The following PMM1 variants were observed in gnomAD, a reference collection of about 807,000 sequenced individuals.
PMM1 encodes the protein phosphomannomutase 1, also known as brain glucose-1,6-bisphosphatase.
Under a neutral mutation model 34.0 loss-of-function variants are expected in PMM1, and 25 were observed. That is an observed-to-expected ratio of 0.73 (90% CI 0.54 to 1.03). PMM1 has a LOEUF of 1.03. Ranked by LOEUF, PMM1 falls within the 50% of genes least tolerant of loss-of-function variation. The probability of loss-of-function intolerance (pLI) is 0.00; values close to 1 mark genes in which losing one functional copy is unlikely to be tolerated. For synonymous variants in PMM1, 134 were observed against 143.9 expected (o/e 0.93, Z 0.49); for missense variants, 321 against 350.1 (o/e 0.92, Z 0.66).
chr22:41,577,754 C>G, intron 7 of PMM1, 54 bp downstream of exon 7: 3 of 1,360,930 alleles, frequency 2.2e-6, no homozygotes, highest in South Asian at 2.4e-5. Context: ...GCCACCAGAC[C>G]TGGCTTCTCA....
chr22:41,581,879 G>T (rs535654349), intron 5 of PMM1, among the ~76,000 whole-genome samples: 93 of 152,180 alleles, frequency 6.1e-4, no homozygotes, highest in Non-Finnish European at 9.7e-4. Flanking sequence ...AGCTACTTGG[G>T]AAGGCTGAGG....
At chr22:41,579,207 C>A (rs901932702) in intron 5 of PMM1, 1 of 324,498 alleles carries the variant, frequency 3.1e-6, no homozygotes. Context: ...GTGTCCACCT[C>A]AGGGCAGGGC....
intron 1 of PMM1, 165 bp downstream of exon 1, chr22:41,589,554 C>T: frequency 1.6e-6 from 1 of 624,742 alleles, no homozygotes; most frequent in Non-Finnish European, 2.8e-6. Flanking sequence ...GGGCCAGGTC[C>T]CCTCACTCCC....
In PMM1 at chr22:41,577,638, G is replaced by T. The variant is rs946425784; in HGVS notation, c.666+170C>A. 1.7e-5 allele frequency: 13 copies of T among 761,246 alleles called. 1 individual carries two copies. The highest frequency in any genetic ancestry group is 3.7e-4 in the Middle Eastern group (1 of 2,698). 47.2% of individuals were successfully genotyped at this position (761,246 alleles called of 1,614,324 possible). ...TCTTGGGGCCCCAGCTTTCCAATCT[G>T]TGTAACGGGGCTGGTGAGCAATGGT... On this transcript the variant is annotated intron_variant, in intron 7 of 7. Transcript: ENST00000216259.
chr22:41,586,842 G>C (rs1020103434), intron 1 of PMM1, among the ~76,000 whole-genome samples: 2 of 148,268 alleles, frequency 1.3e-5, no homozygotes, highest in African/African-American at 4.9e-5. Flanking sequence ...GCATGGGCTG[G>C]CACGGTGGTT....
rs377279354 is a variant in PMM1, at chr22:41,577,354, C to T, written c.753G>A (p.Arg251=). The T allele has an allele frequency of 1.2e-6, 2 of 1,612,890 alleles. No homozygotes were observed. Among genetic ancestry groups the T allele is most frequent in the African/African-American group, 2.7e-5 (2 of 74,924 alleles). ...VSPQDTVQRC[R]EIFFPETAHE... is the part of the protein sequence containing the mutation. ...GAGCTGTCTCTGGGAAGAAAATCTC[C>T]CGGCATCGCTGCACCGTGTCCTGAG... The change falls in exon 8 of 8, where the codon CGG becomes CGA. Residue 251 remains arginine, a synonymous_variant. Coordinates refer to ENST00000216259, the MANE Select transcript of PMM1 (RefSeq NM_002676.3).
chr22:41,582,867 A>T (rs1175986260), intron 5 of PMM1, among the ~76,000 whole-genome samples: 1 of 152,164 alleles, frequency 6.6e-6, no homozygotes, highest in Non-Finnish European at 1.5e-5. Context: ...TGGACGGGCC[A>T]GCATGGAAAG....
Position 41,584,037 on chromosome 22 carries a change from C to G in PMM1, c.396G>C (p.Arg132=). The G allele has an allele frequency of 6.2e-7, 1 of 1,613,868 alleles. No individual in the cohort carries two copies. The highest frequency in any genetic ancestry group is 1.1e-5 in the South Asian group (1 of 91,078). The change falls in exon 5 of 8, where the codon CGG becomes CGC. Residue 132 remains arginine (R), a synonymous_variant. Coordinates refer to ENST00000216259, the MANE Select transcript of PMM1 (RefSeq NM_002676.3). ...PKKRGTFIEF[R]NGMLNISPIG... ...TGGGCGAGATGTTCAGCATGCCATT[C>G]CGGAACTCGATGAAGGTTCCACTGG...
At chr22:41,578,039 G>A in intron 6 of PMM1, 116 bp from the exon 7 acceptor site, 2 of 719,218 alleles carry the variant, frequency 2.8e-6, no homozygotes, top group South Asian at 3.3e-5. Context: ...TGAGGGCCAG[G>A]AATAGGACAC....
At chr22:41,583,476 C>T (rs1452184497) in intron 5 of PMM1, among the ~76,000 whole-genome samples, 1 of 151,918 alleles carries the variant, frequency 6.6e-6, no homozygotes, top group Non-Finnish European at 1.5e-5. Flanking sequence ...TTTTTGGAGA[C>T]TCTATCTCCA....
At chr22:41,587,415 G>A (rs1308764499) in intron 1 of PMM1, among the ~76,000 whole-genome samples, 1 of 148,954 alleles carries the variant, frequency 6.7e-6, no homozygotes, top group East Asian at 2.0e-4. Flanking sequence ...ACTCCAGCCT[G>A]GGGGACAAGA....
At position 41,589,839 on chromosome 22, in the gene PMM1, A is replaced by G; in HGVS notation, c.-34T>C. On this transcript the variant is annotated 5_prime_UTR_variant, in exon 1 of 8. Coordinates refer to ENST00000216259, the MANE Select transcript of PMM1 (RefSeq NM_002676.3). ...GTCCGCGCGCGGGGCGGAGTCCCGA[A>G]GATGCAACGGCAGAAGCAGCTCAGG... The G allele has an allele frequency of 6.8e-7, 1 of 1,479,174 alleles. No homozygotes were observed. 91.6% of individuals were successfully genotyped at this position (1,479,174 alleles called of 1,614,324 possible).
At chr22:41,578,042 T>C (rs12158228) in intron 6 of PMM1, 119 bp from the exon 7 acceptor site, 28,179 of 704,390 alleles carry the variant, frequency 0.04, 2,423 homozygotes, top group African/African-American at 0.27. Flanking sequence ...GGGCCAGGAA[T>C]AGGACACGGG....
chr22:41,578,982 G>A, intron 5 of PMM1, 101 bp from the exon 6 acceptor site: 1 of 985,038 alleles, frequency 1.0e-6, no homozygotes, highest in Non-Finnish European at 1.6e-6. Flanking sequence ...ATTCTAGGTG[G>A]GTAGGACCCC....
At chr22:41,583,788 C>G (rs2067273176) in intron 5 of PMM1, among the ~76,000 whole-genome samples, 171 bp downstream of exon 5, 1 of 152,022 alleles carries the variant, frequency 6.6e-6, no homozygotes, top group South Asian at 2.1e-4. Flanking sequence ...GGACCAGCAG[C>G]ATTGTAAAGA....
intron 1 of PMM1, chr22:41,588,813 G>T (rs768610499): frequency 5.9e-5 from 58 of 985,338 alleles, no homozygotes; most frequent in Non-Finnish European, 7.0e-5. Flanking sequence ...CCACTGCCCA[G>T]TAAAGCCCAT....
intron 5 of PMM1, among the ~76,000 whole-genome samples, chr22:41,581,113 CA>C (rs933737603): frequency 0.011 from 472 of 42,520 alleles, 2 homozygotes; most frequent in African/African-American, 0.033. Flanking sequence ...GACTCCATCT[CA>C]AAAAAAAAAA....
intron 5 of PMM1, among the ~76,000 whole-genome samples, chr22:41,581,685 C>T (rs2067248580): frequency 6.6e-6 from 1 of 151,870 alleles, no homozygotes; most frequent in South Asian, 2.1e-4. Context: ...GAAACCCCAT[C>T]TCTACTAAAA....
chr22:41,586,055 T>C (rs776208554), intron 2 of PMM1, 21 bp downstream of exon 2: 1 of 1,567,746 alleles, frequency 6.4e-7, no homozygotes, highest in Non-Finnish European at 8.7e-7. Context: ...CCACTCCCTC[T>C]ACCCCCAGCC....
Sources: allele counts gnomAD v4.1 joint callset (sites outside exome capture counted in the v4.1 genomes callset), GRCh38; gene constraint gnomAD v4.1.1; transcripts MANE v1.5; gene names NCBI Gene and HGNC (gene_info 2026-07-23, HGNC 2026-07-21).